Variants in B4GALT1 observed in about 807,000 individuals in gnomAD.
B4GALT1 encodes beta-1,4-galactosyltransferase 1.
B4GALT1 carries 16 observed loss-of-function variants against 34.9 expected under a neutral mutation model. The ratio of observed to expected loss-of-function variants is 0.46; its 90% CI spans 0.31 to 0.70. The LOEUF is 0.70. B4GALT1 is among the 30% of genes least tolerant of loss of function. B4GALT1 has a pLI of 0.05. For missense variants in B4GALT1, 445 were observed against 530.5 expected, an observed-to-expected ratio of 0.84 and a Z score of 1.58; for synonymous variants, 221 against 218.1, an observed-to-expected ratio of 1.01 and a Z score of -0.12.
chr9:33,177,869 A>C, the B4GALT1 span, among the ~76,000 whole-genome samples: 1 of 152,036 alleles, frequency 6.6e-6, no homozygotes, highest in Non-Finnish European at 1.5e-5. Flanking sequence ...ACTGTTAGCC[A>C]GGTGTCTCAC....
intron 1 of B4GALT1, among the ~76,000 whole-genome samples, chr9:33,159,724 CTA>C (rs1587750946): frequency 6.6e-6 from 1 of 152,314 alleles, no homozygotes; most frequent in African/African-American, 2.4e-5. Flanking sequence ...GAGAGCTGTG[CTA>C]TATGTTTCAG....
At chr9:33,148,366 C>A (rs1043769656) in intron 1 of B4GALT1, among the ~76,000 whole-genome samples, 4 of 152,220 alleles carry the variant, frequency 2.6e-5, no homozygotes, top group African/African-American at 7.2e-5. Flanking sequence ...CACGGAGACA[C>A]AGAGCCTGTC....
rs1839864032 is a variant in B4GALT1 at position 33,111,637 on chromosome 9, T to C, written c.*1817A>G. On this transcript the variant is annotated 3_prime_UTR_variant, in exon 6 of 6. Transcript: ENST00000379731. ...GATAAGACTGGGGCCAGGCACCAGC[T>C]CAGCCTCCACACTGAGGGCTGGTAC... 1 of 152,680 alleles carries C rather than the reference T, an allele frequency of 6.5e-6. No individual in the cohort carries two copies. The highest frequency in any genetic ancestry group is 2.1e-4 in the South Asian group (1 of 4,830). 9.5% of individuals were successfully genotyped at this position (152,680 alleles called of 1,614,324 possible).
At chr9:33,174,199 T>C in the B4GALT1 span, 1 of 153,016 alleles carries the variant, frequency 6.5e-6, no homozygotes, top group Non-Finnish European at 1.5e-5. Flanking sequence ...TGCACTACTG[T>C]CCAAAGAGCA....
intron 1 of B4GALT1, among the ~76,000 whole-genome samples, chr9:33,152,684 G>C (rs1307078141): frequency 6.6e-6 from 1 of 152,046 alleles, no homozygotes; most frequent in South Asian, 2.1e-4. Context: ...AACCAGCCTG[G>C]CCAACATGGT....
At chr9:33,115,084 T>G (rs1161890833) in intron 4 of B4GALT1, among the ~76,000 whole-genome samples, 1 of 152,264 alleles carries the variant, frequency 6.6e-6, no homozygotes, top group Non-Finnish European at 1.5e-5. Context: ...GTGCTCTGTA[T>G]GCAGCAGATG....
chr9:33,145,256 C>A (rs1354898821), intron 1 of B4GALT1, among the ~76,000 whole-genome samples: 2 of 152,192 alleles, frequency 1.3e-5, no homozygotes, highest in Admixed American at 6.5e-5. Context: ...CTAGGCCTAG[C>A]ATCTGACACT....
At chr9:33,135,903 G>GTGTA (rs1198580274) in intron 1 of B4GALT1, among the ~76,000 whole-genome samples, 90 of 106,828 alleles carry the variant, frequency 8.4e-4, no homozygotes, top group Non-Finnish European at 1.5e-3. Context: ...GTGTGTGTGT[G>GTGTA]TGTGTGTATG....
intron 2 of B4GALT1, among the ~76,000 whole-genome samples, chr9:33,130,084 G>A (rs1307422143): frequency 2.6e-5 from 4 of 152,228 alleles, no homozygotes; most frequent in African/African-American, 7.2e-5. Flanking sequence ...ATATGCAATC[G>A]GAATTGGAGA....
At chr9:33,133,328 G>A (rs1318084399) in intron 2 of B4GALT1, among the ~76,000 whole-genome samples, 1 of 152,182 alleles carries the variant, frequency 6.6e-6, no homozygotes, top group East Asian at 1.9e-4. Flanking sequence ...TGTATCCACA[G>A]TACATCCCTC....
At chr9:33,116,521 C>CTGT (rs1554684681) in intron 3 of B4GALT1, among the ~76,000 whole-genome samples, 1 of 107,308 alleles carries the variant, frequency 9.3e-6, no homozygotes, top group Non-Finnish European at 1.7e-5. Flanking sequence ...CAAACCGGAT[C>CTGT]TTTTTTTTTT....
At chr9:33,130,102 T>A (rs1840172187) in intron 2 of B4GALT1, among the ~76,000 whole-genome samples, 2 of 152,224 alleles carry the variant, frequency 1.3e-5, no homozygotes, top group Admixed American at 6.5e-5. Context: ...AGAGACCAGT[T>A]CTGTGTACTG....
intron 2 of B4GALT1, among the ~76,000 whole-genome samples, chr9:33,121,448 T>C (rs1840018875): frequency 6.6e-6 from 1 of 152,002 alleles, no homozygotes; most frequent in African/African-American, 2.4e-5. Flanking sequence ...CTGCAACCTC[T>C]GCCTCCAGGA....
At chr9:33,153,619 A>T (rs1212768586) in intron 1 of B4GALT1, among the ~76,000 whole-genome samples, 1 of 152,224 alleles carries the variant, frequency 6.6e-6, no homozygotes, top group African/African-American at 2.4e-5. Context: ...ACTTAGATGA[A>T]GCAAACTCCT....
chr9:33,149,324 T>A (rs1840476022), intron 1 of B4GALT1, among the ~76,000 whole-genome samples: 1 of 151,946 alleles, frequency 6.6e-6, no homozygotes, highest in Admixed American at 6.6e-5. Context: ...TCTGTCACCC[T>A]GGCTAGAGTG....
chr9:33,169,623 C>T (rs1465110211), upstream of B4GALT1, among the ~76,000 whole-genome samples: 1 of 151,356 alleles, frequency 6.6e-6, no homozygotes, highest in Non-Finnish European at 1.5e-5. Flanking sequence ...CGGGTTCAAG[C>T]GATTCTCCTG....
chr9:33,167,163 G>A lies in B4GALT1; in HGVS notation c.7C>T (p.Leu3Phe). Residue 3 changes from leucine (L) to phenylalanine (F), a missense_variant, in exon 1 of 6, where the codon CTT becomes TTT. Physicochemically the swap from Leu to Phe is conservative, Grantham distance 22. This residue lies in a region of B4GALT1 where 349 missense variants were observed against 395.5 expected (regional missense o/e 0.88). Transcript: ENST00000379731. ...CTGCCGCTCAGGAGCGGCTCCCGAA[G>A]CCTCATCTTCCCGCCGCCGCTTTAA... Reference protein sequence around the residue: MRLREPLLSGSAA... With the variant: MRFREPLLSGSAA... The A allele has an allele frequency of 6.3e-7, 1 of 1,598,826 alleles. No individual in the cohort carries two copies. Among genetic ancestry groups the A allele is most frequent in the Non-Finnish European group, 8.5e-7 (1 of 1,174,626 alleles).
chr9:33,181,459 C>CACACACAA, the B4GALT1 span, among the ~76,000 whole-genome samples: 2 of 151,348 alleles, frequency 1.3e-5, no homozygotes, highest in Admixed American at 6.6e-5. Context: ...CACACACACA[C>CACACACAA]AAACTATTCT....
rs528325679 is a variant in B4GALT1 at position 33,132,585 on chromosome 9, C to G, written c.648+2604G>C. 7.9e-5 allele frequency among the ~76,000 whole-genome samples: 12 copies of G among 152,326 alleles called. No individual in the cohort carries two copies. The South Asian group carries it at 8.3e-4, about 11-fold the overall frequency. On this transcript the variant is annotated intron_variant, in intron 2 of 5. Coordinates refer to ENST00000379731, the MANE Select transcript of B4GALT1 (RefSeq NM_001497.4). ...CAGCTGTGCCACCGGTCTGAGCTGG[C>G]TTGGTTAGTTGTTCCATCTACTCGG...
Sources: allele counts gnomAD v4.1 joint callset (sites outside exome capture counted in the v4.1 genomes callset), GRCh38; gene constraint gnomAD v4.1.1; regional missense constraint gnomAD v4.1.1; transcripts MANE v1.5; gene names NCBI Gene and HGNC (gene_info 2026-07-23, HGNC 2026-07-21).